Variants in FBP2 observed in about 807,000 individuals in gnomAD.
FBP2 encodes fructose-bisphosphatase 2, also known as fructose-1,6-bisphosphatase isozyme 2.
Under a neutral mutation model 31.6 loss-of-function variants are expected in FBP2, and 27 were observed. That is an observed-to-expected ratio of 0.85 (90% CI 0.63 to 1.18). The LOEUF (loss-of-function observed/expected upper bound fraction) is 1.18, where lower values mean the gene tolerates loss of function less well. Ranked by LOEUF, FBP2 falls within the 50% of genes most tolerant of loss-of-function variation. The pLI, the probability that FBP2 is intolerant of heterozygous loss-of-function variation, is 0.00. For synonymous variants in FBP2, 168 were observed against 179.8 expected (o/e 0.93, Z 0.53); for missense variants, 421 against 436.1 (o/e 0.97, Z 0.31).
chr9:94,590,088 C>G (rs560580962), intron 1 of FBP2, among the ~76,000 whole-genome samples: 34 of 152,254 alleles, frequency 2.2e-4, no homozygotes, highest in African/African-American at 7.0e-4. Context: ...CCCCTGCACC[C>G]TCTCTCCAGG....
intron 4 of FBP2, chr9:94,570,175 G>A (rs905573013): frequency 2.0e-5 from 3 of 152,232 alleles, no homozygotes; most frequent in African/African-American, 7.2e-5. Flanking sequence ...CAGAGGCTCT[G>A]TCTGTGCCTG....
chr9:94,559,184 C>G, intron 6 of FBP2, 52 bp from the exon 7 acceptor site: 1 of 1,520,010 alleles, frequency 6.6e-7, no homozygotes, highest in South Asian at 1.2e-5. Context: ...CCAAATGTCC[C>G]GAGCCATGCC....
rs150289865 is a variant in FBP2, at chr9:94,575,962, G to T, written c.427-4360C>A. Among the ~76,000 whole-genome samples the T allele has an allele frequency of 2.1e-4, 32 of 152,250 alleles. No individual in the cohort carries two copies. In the East Asian group the frequency reaches 5.6e-3, roughly 27 times the overall value. On this transcript the variant is annotated intron_variant, in intron 3 of 6. Transcript: ENST00000375337. ...AGTCTTTTCTCTTAGCTATAAAATA[G>T]CTCCCTTTCTCACCATATATACTCC...
chr9:94,568,902 A>G (rs952911590), intron 4 of FBP2: 1 of 152,262 alleles, frequency 6.6e-6, no homozygotes, highest in Non-Finnish European at 1.5e-5. Context: ...TCCTCTTTAG[A>G]ATTACCAAGC....
At chr9:94,565,103 G>C (rs1352035596) in intron 5 of FBP2, among the ~76,000 whole-genome samples, 1 of 152,172 alleles carries the variant, frequency 6.6e-6, no homozygotes, top group East Asian at 1.9e-4. Context: ...GTCTGGCATG[G>C]TGGTTCACGC....
At chr9:94,582,341 T>C (rs1360331272) in intron 3 of FBP2, among the ~76,000 whole-genome samples, 1 of 111,572 alleles carries the variant, frequency 9.0e-6, no homozygotes, top group African/African-American at 3.6e-5. Context: ...GTTAAATATG[T>C]GTGTGTGTGC....
chr9:94,561,302 C>G (rs1008963921), intron 6 of FBP2, among the ~76,000 whole-genome samples: 1 of 149,452 alleles, frequency 6.7e-6, no homozygotes, highest in African/African-American at 2.5e-5. Flanking sequence ...ATCAAAATGC[C>G]CAGGGCTTCA....
At chr9:94,592,988 G>T (rs1048282544) in intron 1 of FBP2, among the ~76,000 whole-genome samples, 4 of 152,120 alleles carry the variant, frequency 2.6e-5, no homozygotes, top group African/African-American at 9.7e-5. Flanking sequence ...GCACCTCCCG[G>T]CTTCCTGCAC....
chr9:94,569,971 C>T (rs1189872977), intron 4 of FBP2: 1 of 152,234 alleles, frequency 6.6e-6, no homozygotes, highest in Non-Finnish European at 1.5e-5. Context: ...GTCAAACAGG[C>T]ACTAAGCTTT....
At chr9:94,569,581 G>A (rs498533) in intron 4 of FBP2, 73,952 of 152,078 alleles carry the variant, frequency 0.49, 18,601 homozygotes, top group African/African-American at 0.6. Flanking sequence ...TGTTTCCACA[G>A]TTTTATTAAC....
chr9:94,585,178 G>T (rs1381039638), intron 2 of FBP2, among the ~76,000 whole-genome samples: 2 of 151,736 alleles, frequency 1.3e-5, no homozygotes, highest in Middle Eastern at 3.4e-3. Context: ...CTTTGTTTCT[G>T]TTTTTTTTCC....
chr9:94,591,325 G>A (rs570655810), intron 1 of FBP2, among the ~76,000 whole-genome samples: 40 of 152,346 alleles, frequency 2.6e-4, no homozygotes, highest in East Asian at 5.8e-4. Context: ...GAAATCGAGC[G>A]CAGCGCCAGT....
chr9:94,562,784 G>A (rs1827128319), intron 6 of FBP2, among the ~76,000 whole-genome samples: 1 of 152,174 alleles, frequency 6.6e-6, no homozygotes. Context: ...GCATCATTAA[G>A]TTGCAATTAG....
chr9:94,581,119 C>T (rs1564185684), intron 3 of FBP2, among the ~76,000 whole-genome samples: 2 of 152,338 alleles, frequency 1.3e-5, no homozygotes, highest in South Asian at 4.1e-4. Flanking sequence ...ATTCTCAGAA[C>T]TAGGCTGGGC....
At position 94,593,738 on chromosome 9, in the gene FBP2, T is replaced by C. The variant is rs1827527772; in HGVS notation, c.-12A>G. The C allele has an allele frequency of 6.2e-7, 1 of 1,613,834 alleles. No individual in the cohort carries two copies. Among genetic ancestry groups the C allele is most frequent in the East Asian group, 2.2e-5 (1 of 44,882 alleles). ...CTTCTGTCCGTCATTTTGGCTGGAA[T>C]GCTTCAAATCCTTTTCTCCCGGCAG... On this transcript the variant is annotated 5_prime_UTR_variant, in exon 1 of 7. Coordinates refer to ENST00000375337, the MANE Select transcript of FBP2 (RefSeq NM_003837.4).
In FBP2 at chr9:94,563,364, T is replaced by C; in HGVS notation, c.803A>G (p.Asn268Ser). 6.2e-7 allele frequency: 1 copy of C among 1,614,080 alleles called. No homozygotes were observed. The highest frequency in any genetic ancestry group is 1.7e-4 in the Middle Eastern group (1 of 6,058). ...VYGGIFLYPA[N>S]QKSPKGKLRL... ...TACCTTGCCCTTAGGGCTCTTCTGG[T>C]TGGCTGGGTACAGGAAGATTCCTCC... The change falls in exon 6 of 7, where the codon AAC becomes AGC. Residue 268 changes from asparagine to serine, a missense_variant. Transcript: ENST00000375337.
intron 6 of FBP2, among the ~76,000 whole-genome samples, chr9:94,559,846 CAGAG>C (rs1384867838): frequency 2.0e-5 from 3 of 152,130 alleles, no homozygotes; most frequent in African/African-American, 4.8e-5. Context: ...AGTGCCGACA[CAGAG>C]AAAGTGTTGG....
At chr9:94,592,812 C>G (rs1362098617) in intron 1 of FBP2, among the ~76,000 whole-genome samples, 6 of 152,190 alleles carry the variant, frequency 3.9e-5, no homozygotes, top group Admixed American at 3.9e-4. Context: ...GGATTACAGA[C>G]AGGAGCCACC....
intron 4 of FBP2, chr9:94,567,660 C>G: frequency 4.6e-6 from 2 of 433,746 alleles, no homozygotes; most frequent in Non-Finnish European, 8.3e-6. Context: ...AGCCCATAGT[C>G]TTCTTTCTTT....
Sources: allele counts gnomAD v4.1 joint callset (sites outside exome capture counted in the v4.1 genomes callset), GRCh38; gene constraint gnomAD v4.1.1; transcripts MANE v1.5; gene names NCBI Gene and HGNC (gene_info 2026-07-23, HGNC 2026-07-21).